The following EPHB6 variants were observed in gnomAD, a reference collection of about 807,000 sequenced individuals.
The protein encoded by EPHB6 is ephrin type-B receptor 6.
EPHB6 carries 51 observed loss-of-function variants against 107.0 expected under a neutral mutation model. The observed-to-expected ratio is 0.48, with a 90% CI of 0.38 to 0.60. The LOEUF is 0.60. EPHB6 is among the 20% of genes least tolerant of loss of function. The pLI is 0.00. For missense variants in EPHB6, 1,141 were observed against 1,355.5 expected (o/e 0.84, Z 2.48); for synonymous variants, 553 against 549.0 (o/e 1.01, Z -0.10).
In EPHB6 at chr7:142,863,946, TC is replaced by T; in HGVS notation, c.166-19del. 6.2e-7 allele frequency: 1 copy of T among 1,614,158 alleles called. No homozygotes were observed. Among genetic ancestry groups the T allele is most frequent in the East Asian group, 2.2e-5 (1 of 44,878 alleles). ...GCTTAAGCCCGGAGCCCCTAAAGCT[TC>T]TCCTGGCCCTTCCTGCAGTGGGACG... On this transcript the variant is annotated intron_variant, in intron 6 of 19. Coordinates refer to ENST00000652003, the MANE Select transcript of EPHB6 (RefSeq NM_004445.6).
At position 142,868,973 on chromosome 7, in the gene EPHB6, G is replaced by A. The variant is rs561800720; in HGVS notation, c.2287-1G>A. 1 of 1,607,774 alleles carries A rather than the reference G, an allele frequency of 6.2e-7. No homozygotes were observed. Among genetic ancestry groups the A allele is most frequent in the Non-Finnish European group, 8.5e-7 (1 of 1,179,788 alleles). ...CTCTGCCCCCTGCCCCTTCCCCTCA[G>A]CAGCGGGAGGGCCAGTTCAGCAGCC... On this transcript the variant is annotated splice_acceptor_variant, in intron 15 of 19. Transcript: ENST00000652003. LOFTEE classifies it high-confidence loss of function. This position sits in a 1 kb window ranked among gnomAD's most constrained non-coding sequence, Gnocchi z 4.2.
chr7:142,857,732 C>T (rs985912001), intron 1 of EPHB6, among the ~76,000 whole-genome samples: 1 of 152,248 alleles, frequency 6.6e-6, no homozygotes, highest in African/African-American at 2.4e-5. Flanking sequence ...TCCCAGTGGA[C>T]AGTCCCCTGG....
In EPHB6 at chr7:142,864,542, G is replaced by A; in HGVS notation, c.742G>A (p.Ala248Thr). The change falls in exon 7 of 20, where the codon GCC becomes ACC. Residue 248 changes from alanine (A) to threonine (T), a missense_variant. Around this residue, in one of 3 missense-constraint regions of EPHB6, gnomAD observed 304 missense variants for 295.7 expected, o/e 1.03. Transcript: ENST00000652003. ...RSFASFPETQ[A>T]SGAGGASLVA... is the part of the protein sequence containing the mutation. ...CTTTGCTTCCTTTCCAGAGACGCAGGCCAGTGGGGCTGGGGGGGCCTCCCT... is the reference window on the plus strand; with the variant it reads ...CTTTGCTTCCTTTCCAGAGACGCAGACCAGTGGGGCTGGGGGGGCCTCCCT... 4 of 1,613,380 alleles carry A rather than the reference G, an allele frequency of 2.5e-6. No homozygotes were observed. Among genetic ancestry groups the A allele is most frequent in the Non-Finnish European group, 3.4e-6 (4 of 1,179,952 alleles).
At chr7:142,858,916 C>A (rs1158413092) in intron 1 of EPHB6, among the ~76,000 whole-genome samples, 3 of 152,116 alleles carry the variant, frequency 2.0e-5, no homozygotes, top group Admixed American at 6.5e-5. Flanking sequence ...AGTGATATAT[C>A]TATAAAAGAA....
At chr7:142,857,677 G>T (rs1802667253) in intron 1 of EPHB6, among the ~76,000 whole-genome samples, 1 of 152,184 alleles carries the variant, frequency 6.6e-6, no homozygotes, top group Non-Finnish European at 1.5e-5. Flanking sequence ...TCACTAAATT[G>T]TTCCTGTCTG....
rs1335443387 is a variant in EPHB6, at chr7:142,868,251, G to A, written c.1929G>A (p.Val643=). ...TCCACACCCCTCCAGGACTCGGGGT[G>A]AAGTATTACATCGACCCCTCCACCT... The part of the protein sequence containing the change: ...LQQYSSPGLG[V]KYYIDPSTYE... The change falls in exon 14 of 20, where the codon GTG becomes GTA. Residue 643 remains valine (V), a synonymous_variant. Transcript: ENST00000652003. The surrounding 1 kb of genome is among the most constrained non-coding windows in gnomAD (Gnocchi z 4.2). The A allele has an allele frequency of 1.9e-6, 3 of 1,614,044 alleles. No individual in the cohort carries two copies. The highest frequency in any genetic ancestry group is 2.5e-6 in the Non-Finnish European group (3 of 1,180,026).
In EPHB6 at chr7:142,868,370, G is replaced by A. The variant is rs1258271064; in HGVS notation, c.2038+10G>A. On this transcript the variant is annotated intron_variant, in intron 14 of 19. Coordinates refer to ENST00000652003, the MANE Select transcript of EPHB6 (RefSeq NM_004445.6). This position sits in a 1 kb window ranked among gnomAD's most constrained non-coding sequence, Gnocchi z 4.2. ...GAGGTCATTGGGACAGGTACAGCAG[G>A]GCCAAAGCAGGGATCAGAGCGACGG... is the stretch of plus-strand genomic sequence containing the variant. The A allele has an allele frequency of 1.2e-6, 2 of 1,614,000 alleles. No individual in the cohort carries two copies. Among genetic ancestry groups the A allele is most frequent in the Non-Finnish European group, 1.7e-6 (2 of 1,180,024 alleles).
In EPHB6 at chr7:142,855,905, A is replaced by G. The variant is rs563536348; in HGVS notation, c.-432+520A>G. 1.9e-4 allele frequency among the ~76,000 whole-genome samples: 29 copies of G among 152,260 alleles called. 1 individual carries two copies. The South Asian group carries it at 5.8e-3, about 30-fold the overall frequency. On this transcript the variant is annotated intron_variant, in intron 1 of 19. Transcript: ENST00000652003. This position sits in a 1 kb window ranked among gnomAD's most constrained non-coding sequence, Gnocchi z 4.2. ...AAGGAACGCTTGGTTCCTGCTGCCC[A>G]GCCATCACCCCCAACGTGCAACCAA...
In EPHB6 at chr7:142,863,680, C is replaced by T. The variant is rs758973552; in HGVS notation, c.150C>T (p.Thr50=). 6.2e-7 allele frequency: 1 copy of T among 1,613,946 alleles called. No homozygotes were observed. Among genetic ancestry groups the T allele is most frequent in the Non-Finnish European group, 8.5e-7 (1 of 1,179,988 alleles). Residue 50 remains threonine, a synonymous_variant, in exon 6 of 20, where the codon ACC becomes ACT. Transcript: ENST00000652003. The stretch of plus-strand genomic sequence containing the variant: ...AGACATCTGAGATTGGCTGGCTCAC[C>T]TACCCACCAGGGGGGGTGAGTGCCA... ...TGETSEIGWL[T]YPPGGWDEVS... is the part of the protein sequence containing the mutation.
Position 142,864,116 on chromosome 7 carries a change from C to A in EPHB6, c.316C>A (p.Arg106=), listed in dbSNP as rs541154926. 1.2e-6 allele frequency: 2 copies of A among 1,614,028 alleles called. No homozygotes were observed. Among genetic ancestry groups the A allele is most frequent in the South Asian group, 2.2e-5 (2 of 91,084 alleles). ...GCGCGGGGCCCAGAGGGCGCACATTCGACTCCACTTCTCTGTGCGGGCATG... is the reference window on the plus strand; with the variant it reads ...GCGCGGGGCCCAGAGGGCGCACATTAGACTCCACTTCTCTGTGCGGGCATG... ...ERRGAQRAHI[R]LHFSVRACSS... is the part of the protein sequence containing the mutation. The change falls in exon 7 of 20, where the codon CGA becomes AGA. Residue 106 remains arginine (R), a synonymous_variant. Coordinates refer to ENST00000652003, the MANE Select transcript of EPHB6 (RefSeq NM_004445.6).
At position 142,864,322 on chromosome 7, in the gene EPHB6, T is replaced by TCC; in HGVS notation, c.522_523insCC (p.Ser175ProfsTer22). 8.7e-6 allele frequency: 14 copies of TCC among 1,600,268 alleles called. No homozygotes were observed. The highest frequency in any genetic ancestry group is 9.4e-6 in the Non-Finnish European group (11 of 1,174,546). On this transcript the variant is annotated frameshift_variant, in exon 7 of 20. Coordinates refer to ENST00000652003, the MANE Select transcript of EPHB6 (RefSeq NM_004445.6). LOFTEE classifies it high-confidence loss of function. The stretch of plus-strand genomic sequence containing the variant: ...CCTCCTCCTCCTCCTCCTCCTCCTC[T>TCC]TCTTCCTCTGCAGCGTGGGCTGTGG...
At chr7:142,862,931 C>T (rs1802911872) in intron 4 of EPHB6, 98 bp downstream of exon 4, 1 of 423,828 alleles carries the variant, frequency 2.4e-6, no homozygotes, top group East Asian at 3.6e-5. Context: ...TAGGCACGAA[C>T]ACTCCAAGAT....
rs1802817908 is a variant in EPHB6, at chr7:142,861,034, T to C, written c.-431-18T>C. ...TTTTGAGCAATCTGGGCAACATGTC[T>C]CTTTTTTTTCTTCACAGAAATAAAG... On this transcript the variant is annotated intron_variant, in intron 1 of 19. Transcript: ENST00000652003. 6.6e-6 allele frequency: 1 copy of C among 152,138 alleles called. No individual in the cohort carries two copies. The highest frequency in any genetic ancestry group is 6.5e-5 in the Admixed American group (1 of 15,274). The allele number at this position is 152,138 out of a possible 1,614,324, so 9.4% of individuals were successfully genotyped here.
chr7:142,869,066 C>T lies in EPHB6; in HGVS notation c.2379C>T (p.Val793=), dbSNP rs2116477450. ...AGTACCTGTCCAGCTTTGCCTTCGT[C>T]CATCGCTCGCTGTCTGCCCACAGCG... ...AMQYLSSFAF[V]HRSLSAHSVL... Residue 793 remains valine, a synonymous_variant, in exon 16 of 20, where the codon GTC becomes GTT. Coordinates refer to ENST00000652003, the MANE Select transcript of EPHB6 (RefSeq NM_004445.6). The surrounding 1 kb of genome is among the most constrained non-coding windows in gnomAD (Gnocchi z 4.5). 6.2e-7 allele frequency: 1 copy of T among 1,613,682 alleles called. No homozygotes were observed. The highest frequency in any genetic ancestry group is 8.5e-7 in the Non-Finnish European group (1 of 1,180,012).
Position 142,869,723 on chromosome 7 carries a change from T to A in EPHB6, c.2461-94T>A. ...TGAGGATTAAATGAGATGCTTGATG[T>A]AAAACCCTTGGCATATCTGAGCACA... On this transcript the variant is annotated intron_variant, in intron 16 of 19. Coordinates refer to ENST00000652003, the MANE Select transcript of EPHB6 (RefSeq NM_004445.6). This position sits in a 1 kb window ranked among gnomAD's most constrained non-coding sequence, Gnocchi z 4.5. 7.0e-7 allele frequency: 1 copy of A among 1,432,364 alleles called. No individual in the cohort carries two copies. Among genetic ancestry groups the A allele is most frequent in the Non-Finnish European group, 9.7e-7 (1 of 1,033,554 alleles). 88.7% of individuals were successfully genotyped at this position (1,432,364 alleles called of 1,614,324 possible).
rs1803189201 is a variant in EPHB6, at chr7:142,866,336, C to T, written c.1462+20C>T. On this transcript the variant is annotated intron_variant, in intron 9 of 19. Coordinates refer to ENST00000652003, the MANE Select transcript of EPHB6 (RefSeq NM_004445.6). The surrounding 1 kb of genome is among the most constrained non-coding windows in gnomAD (Gnocchi z 5.2). ...ATGAAGGTGAGCTCTTTTCCTTGGC[C>T]TTCAGGATCCCCTGCCTCCGCTCCT... 1.9e-6 allele frequency: 3 copies of T among 1,613,310 alleles called. No homozygotes were observed. Among genetic ancestry groups the T allele is most frequent in the Non-Finnish European group, 1.7e-6 (2 of 1,179,870 alleles).
chr7:142,865,660 A>G (rs1803118495), intron 8 of EPHB6, 30 bp downstream of exon 8: 2 of 1,610,576 alleles, frequency 1.2e-6, no homozygotes, highest in South Asian at 1.1e-5. Flanking sequence ...CTGCAATGGG[A>G]AAGAGACTTG....
Position 142,869,286 on chromosome 7 carries a change from G to A in EPHB6, c.2460+139G>A, listed in dbSNP as rs1032644296. On this transcript the variant is annotated intron_variant, in intron 16 of 19. Transcript: ENST00000652003. This position sits in a 1 kb window ranked among gnomAD's most constrained non-coding sequence, Gnocchi z 4.5. ...TCCCTGAAAGGAGGGAGGCTCTCCT[G>A]TGTGATGGGGAGATGAAAGCCTAGG... 5.1e-6 allele frequency: 5 copies of A among 972,174 alleles called. No homozygotes were observed. The highest frequency in any genetic ancestry group is 4.7e-5 in the South Asian group (3 of 63,936). The allele number at this position is 972,174 out of a possible 1,614,324, so 60.2% of individuals were successfully genotyped here.
rs755315060 is a variant in EPHB6, at chr7:142,864,211, G to A, written c.411G>A (p.Glu137=). ...TFTLYYRQAE[E]PDSPDSVSSW... is the part of the protein sequence containing the mutation. ...CCCTTTACTACCGTCAGGCTGAGGA[G>A]CCCGACAGCCCTGACAGCGTTTCCT... The change falls in exon 7 of 20, where the codon GAG becomes GAA. Residue 137 remains glutamate, a synonymous_variant. Transcript: ENST00000652003. 6.2e-7 allele frequency: 1 copy of A among 1,613,886 alleles called. No homozygotes were observed. Among genetic ancestry groups the A allele is most frequent in the Non-Finnish European group, 8.5e-7 (1 of 1,180,038 alleles).
Sources: allele counts gnomAD v4.1 joint callset (sites outside exome capture counted in the v4.1 genomes callset), GRCh38; gene constraint gnomAD v4.1.1; regional missense constraint gnomAD v4.1.1; non-coding constraint Gnocchi (gnomAD v3.1); transcripts MANE v1.5; gene names NCBI Gene and HGNC (gene_info 2026-07-23, HGNC 2026-07-21).